EDARADD: variants seen among roughly 807,000 people sequenced by gnomAD.
EDARADD encodes the protein EDAR associated via death domain, also known as ectodysplasin-A receptor-associated adapter protein.
EDARADD carries 20 observed loss-of-function variants against 25.6 expected under a neutral mutation model. The ratio of observed to expected loss-of-function variants is 0.78; its 90% CI spans 0.55 to 1.14. EDARADD has a LOEUF of 1.14. EDARADD is among the 50% of genes most tolerant of loss of function. The pLI is 0.00. For missense variants in EDARADD, 225 were observed against 270.1 expected, an observed-to-expected ratio of 0.83 and a Z score of 1.17; for synonymous variants, 86 against 94.4, an observed-to-expected ratio of 0.91 and a Z score of 0.52.
chr1:236,389,492 A>G (rs976151223), upstream of EDARADD, among the ~76,000 whole-genome samples: 3 of 152,202 alleles, frequency 2.0e-5, no homozygotes, highest in African/African-American at 4.8e-5. Context: ...GAGGAAGGGT[A>G]TTGCATAAGT....
chr1:236,450,161 G>A (rs1336303553), intron 4 of EDARADD, among the ~76,000 whole-genome samples: 1 of 151,970 alleles, frequency 6.6e-6, no homozygotes, highest in Admixed American at 6.6e-5. Context: ...GCCCAGTGTG[G>A]TGGTGCAAGT....
At chr1:236,358,379 CAATATGCAAAGAATTTTAAA>C (rs1667007721) in intron 3 of EDARADD, among the ~76,000 whole-genome samples, 1 of 152,216 alleles carries the variant, frequency 6.6e-6, no homozygotes, top group Non-Finnish European at 1.5e-5. Flanking sequence ...TGTCTTTTGA[CAATATGCAAAGAATTTTAAA>C]AATATTTTTG....
chr1:236,427,368 TTTC>T, intron 3 of EDARADD, 21 bp from the exon 4 acceptor site: 2 of 1,605,426 alleles, frequency 1.2e-6, no homozygotes, highest in South Asian at 2.2e-5. Flanking sequence ...TGTTTCTTTC[TTTC>T]TTTCTTTTTT....
intron 4 of EDARADD, among the ~76,000 whole-genome samples, chr1:236,428,070 T>C (rs931608459): frequency 5.3e-5 from 8 of 152,046 alleles, no homozygotes; most frequent in African/African-American, 1.9e-4. Context: ...GGTCAGCAGA[T>C]AAACAAGTGA....
At chr1:236,440,876 A>C (rs1011776180) in intron 4 of EDARADD, among the ~76,000 whole-genome samples, 3 of 152,084 alleles carry the variant, frequency 2.0e-5, no homozygotes, top group Non-Finnish European at 1.5e-5. Flanking sequence ...GGGCCTTCCT[A>C]TTCCCTGAGA....
chr1:236,455,686 A>G (rs1010692430), intron 4 of EDARADD, among the ~76,000 whole-genome samples: 4 of 152,252 alleles, frequency 2.6e-5, no homozygotes, highest in African/African-American at 9.6e-5. Flanking sequence ...AACCAACGGC[A>G]GGTTCTCAAA....
At chr1:236,378,110 C>T (rs887479694) in intron 3 of EDARADD, among the ~76,000 whole-genome samples, 7 of 152,116 alleles carry the variant, frequency 4.6e-5, no homozygotes, top group African/African-American at 1.2e-4. Flanking sequence ...CCACCCACCC[C>T]CCTTTAGGTG....
chr1:236,473,748 G>C (rs1187719151), intron 5 of EDARADD, among the ~76,000 whole-genome samples: 2 of 152,092 alleles, frequency 1.3e-5, no homozygotes. Context: ...TTGTGCCACT[G>C]TACTCTAGCC....
intron 3 of EDARADD, among the ~76,000 whole-genome samples, chr1:236,361,131 A>G (rs1175885745): frequency 1.3e-5 from 2 of 152,176 alleles, no homozygotes; most frequent in Non-Finnish European, 2.9e-5. Flanking sequence ...ATAAATGTTC[A>G]TGTATGTGTA....
intron 4 of EDARADD, among the ~76,000 whole-genome samples, chr1:236,453,947 G>T (rs1183918582): frequency 1.3e-5 from 2 of 152,092 alleles, no homozygotes; most frequent in East Asian, 1.9e-4. Context: ...TGATGCTAAA[G>T]TAGCCACCCA....
Position 236,456,021 on chromosome 1 carries a change from C to T in EDARADD, c.220-12210C>T, listed in dbSNP as rs900615952. ...AGCCAGGATGGTCTCGATCTGCTGA[C>T]CTTGTAATCCGCCCGCCTCGGCCTC... On this transcript the variant is annotated intron_variant, in intron 4 of 5. Coordinates refer to ENST00000334232, the MANE Select transcript of EDARADD (RefSeq NM_145861.4). Among the ~76,000 whole-genome samples the T allele has an allele frequency of 5.9e-5, 9 of 152,298 alleles. No homozygotes were observed. In the South Asian group the frequency reaches 1.2e-3, roughly 21 times the overall value.
upstream of EDARADD, among the ~76,000 whole-genome samples, chr1:236,394,010 A>AC (rs1350442086): frequency 3.1e-4 from 20 of 63,568 alleles, no homozygotes; most frequent in East Asian, 9.2e-4. Context: ...TAAAAAAAAA[A>AC]ACCCTTAAAA....
intron 4 of EDARADD, among the ~76,000 whole-genome samples, chr1:236,456,831 G>T (rs1658882242): frequency 6.6e-6 from 1 of 151,054 alleles, no homozygotes; most frequent in South Asian, 2.1e-4. Context: ...CCCCGGCCCT[G>T]CAGCCGTCCT....
intron 4 of EDARADD, among the ~76,000 whole-genome samples, chr1:236,463,126 T>C (rs1256809857): frequency 2.0e-5 from 3 of 152,226 alleles, no homozygotes; most frequent in Non-Finnish European, 4.4e-5. Context: ...TCCTGTTTCA[T>C]AAATGTTATT....
In EDARADD at chr1:236,395,905, G is replaced by C. The variant is rs1204100375; in HGVS notation, c.61+1400G>C. 6.6e-6 allele frequency among the ~76,000 whole-genome samples: 1 copy of C among 152,128 alleles called. No homozygotes were observed. Among genetic ancestry groups the C allele is most frequent in the Non-Finnish European group, 1.5e-5 (1 of 68,012 alleles). On this transcript the variant is annotated intron_variant, in intron 1 of 5. Coordinates refer to ENST00000334232, the MANE Select transcript of EDARADD (RefSeq NM_145861.4). This position sits in a 1 kb window ranked among gnomAD's most constrained non-coding sequence, Gnocchi z 6.9. ...GGGCCCCTGCCCCGCGTCAGCCACC[G>C]CGCGCCTTCCCCCTGCCCATGCCGC...
chr1:236,442,786 C>T (rs1430868847), intron 4 of EDARADD, among the ~76,000 whole-genome samples: 1 of 152,194 alleles, frequency 6.6e-6, no homozygotes, highest in East Asian at 1.9e-4. Flanking sequence ...CACCCAAGAG[C>T]TTTGATGGAG....
intron 1 of EDARADD, among the ~76,000 whole-genome samples, chr1:236,405,684 C>G (rs907048049): frequency 5.9e-5 from 9 of 152,064 alleles, no homozygotes; most frequent in Admixed American, 5.2e-4. Flanking sequence ...GTGGCTCTGC[C>G]TTTCCCAGCG....
intron 4 of EDARADD, among the ~76,000 whole-genome samples, chr1:236,453,982 G>A (rs924931881): frequency 6.6e-6 from 1 of 151,916 alleles, no homozygotes; most frequent in Non-Finnish European, 1.5e-5. Context: ...GTTTTATCTT[G>A]TTTCCTCATC....
At chr1:236,406,410 T>C (rs1667740234) in intron 1 of EDARADD, among the ~76,000 whole-genome samples, 1 of 152,196 alleles carries the variant, frequency 6.6e-6, no homozygotes, top group Admixed American at 6.6e-5. Context: ...CATGGTTTCG[T>C]AGTTGGTGAG....
Sources: allele counts gnomAD v4.1 joint callset (sites outside exome capture counted in the v4.1 genomes callset), GRCh38; gene constraint gnomAD v4.1.1; non-coding constraint Gnocchi (gnomAD v3.1); transcripts MANE v1.5; gene names NCBI Gene and HGNC (gene_info 2026-07-23, HGNC 2026-07-21).